AFG2A: variants seen among roughly 807,000 people sequenced by gnomAD.
The protein encoded by AFG2A is ATPase family gene 2 protein homolog A.
chr4:123,202,485 T>C, the AFG2A span, among the ~76,000 whole-genome samples: 1 of 152,112 alleles, frequency 6.6e-6, no homozygotes, highest in Admixed American at 6.5e-5. Context: ...ATATGATACG[T>C]ACACATAAAG....
the AFG2A span, among the ~76,000 whole-genome samples, chr4:123,136,191 C>G: frequency 6.6e-6 from 1 of 151,958 alleles, no homozygotes; most frequent in Non-Finnish European, 1.5e-5. Flanking sequence ...TTATGATCAC[C>G]CACGACATTG....
the AFG2A span, among the ~76,000 whole-genome samples, chr4:122,991,880 C>T: frequency 2.0e-5 from 3 of 152,078 alleles, no homozygotes; most frequent in East Asian, 5.8e-4. Context: ...TCTCTAGAAT[C>T]GATGTTATAA....
At chr4:123,281,925 A>G in the AFG2A span, among the ~76,000 whole-genome samples, 1 of 152,192 alleles carries the variant, frequency 6.6e-6, no homozygotes, top group Admixed American at 6.5e-5. Flanking sequence ...AGTGGTTGTC[A>G]GGGATTAGGG....
chr4:123,293,270 A>T, the AFG2A span, among the ~76,000 whole-genome samples: 1 of 152,154 alleles, frequency 6.6e-6, no homozygotes, highest in African/African-American at 2.4e-5. Context: ...CTTCACGAGC[A>T]CTGGGGCTGC....
the AFG2A span, among the ~76,000 whole-genome samples, chr4:123,027,040 C>G: frequency 2.0e-5 from 3 of 152,118 alleles, no homozygotes; most frequent in African/African-American, 7.2e-5. Flanking sequence ...TTTTCTACTC[C>G]CAGAACCCAC....
the AFG2A span, among the ~76,000 whole-genome samples, chr4:122,977,990 C>A: frequency 2.0e-5 from 3 of 151,862 alleles, no homozygotes; most frequent in Non-Finnish European, 4.4e-5. Context: ...GATGAGTGTC[C>A]TGCTGTCAGT....
chr4:123,034,571 GAA>G, the AFG2A span, among the ~76,000 whole-genome samples: 3 of 135,134 alleles, frequency 2.2e-5, no homozygotes, highest in African/African-American at 2.8e-5. Flanking sequence ...ATGCTGGAAT[GAA>G]AAAAAAAAAA....
At chr4:123,040,148 T>A in the AFG2A span, among the ~76,000 whole-genome samples, 1 of 152,196 alleles carries the variant, frequency 6.6e-6, no homozygotes, top group South Asian at 2.1e-4. Context: ...TTATTGTTAT[T>A]GGACATGTAC....
chr4:123,192,599 C>T, the AFG2A span, among the ~76,000 whole-genome samples: 45 of 152,290 alleles, frequency 3.0e-4, no homozygotes, highest in South Asian at 6.8e-3. Context: ...ACTACTCTAT[C>T]GAATAATGCA....
chr4:123,140,490 G>A, the AFG2A span, among the ~76,000 whole-genome samples: 2 of 95,034 alleles, frequency 2.1e-5, no homozygotes, highest in African/African-American at 3.7e-5. Flanking sequence ...CTCCCTTAGA[G>A]GATAAGGTTT....
At chr4:123,023,850 G>A in the AFG2A span, among the ~76,000 whole-genome samples, 5 of 151,920 alleles carry the variant, frequency 3.3e-5, no homozygotes, top group Non-Finnish European at 7.4e-5. Context: ...TTGAACAGGC[G>A]CCGAGTTGTC....
At chr4:123,181,660 C>G in the AFG2A span, among the ~76,000 whole-genome samples, 1 of 151,978 alleles carries the variant, frequency 6.6e-6, no homozygotes, top group Non-Finnish European at 1.5e-5. Flanking sequence ...GAAATGATTC[C>G]AAGCTAAAGT....
chr4:123,215,832 G>A, the AFG2A span, among the ~76,000 whole-genome samples: 1 of 152,098 alleles, frequency 6.6e-6, no homozygotes, highest in Non-Finnish European at 1.5e-5. Flanking sequence ...AATGTCAGAG[G>A]AACTCTTTAG....
At chr4:123,013,738 C>T in the AFG2A span, among the ~76,000 whole-genome samples, 2 of 152,090 alleles carry the variant, frequency 1.3e-5, no homozygotes, top group African/African-American at 2.4e-5. Context: ...CCAGCTTGTC[C>T]CTCTGTCACT....
At chr4:123,217,837 C>T in the AFG2A span, among the ~76,000 whole-genome samples, 1 of 152,220 alleles carries the variant, frequency 6.6e-6, no homozygotes, top group East Asian at 1.9e-4. Context: ...ATTTAGTAGA[C>T]ACTAGGCCAT....
At chr4:122,947,090 T>C in the AFG2A span, 1 of 601,468 alleles carries the variant, frequency 1.7e-6, no homozygotes, top group Non-Finnish European at 2.5e-6. Context: ...AAGTAATTGA[T>C]AGGTAATGAA....
the AFG2A span, among the ~76,000 whole-genome samples, chr4:123,137,544 A>G: frequency 6.6e-6 from 1 of 152,192 alleles, no homozygotes; most frequent in African/African-American, 2.4e-5. Flanking sequence ...GCTGGTGATC[A>G]CGTGGTCTCA....
the AFG2A span, among the ~76,000 whole-genome samples, chr4:123,004,859 T>G: frequency 6.6e-6 from 1 of 152,218 alleles, no homozygotes; most frequent in South Asian, 2.1e-4. Flanking sequence ...TTTCATTATT[T>G]GGAAGGCTTA....
At chr4:122,945,444 G>A in the AFG2A span, among the ~76,000 whole-genome samples, 4 of 152,350 alleles carry the variant, frequency 2.6e-5, no homozygotes, top group Admixed American at 6.5e-5. Context: ...AGGACCCTCC[G>A]AGCCAGGTGC....
Sources: allele counts gnomAD v4.1 joint callset (sites outside exome capture counted in the v4.1 genomes callset), GRCh38; gene constraint gnomAD v4.1.1; transcripts MANE v1.5; gene names NCBI Gene and HGNC (gene_info 2026-07-23, HGNC 2026-07-21).